REM2: variants seen among roughly 807,000 people sequenced by gnomAD.
REM2 encodes the protein GTP-binding protein REM 2.
A neutral mutation model predicts 24.4 loss-of-function variants in REM2; 24 were observed. The observed-to-expected ratio is 0.98, with a 90% confidence interval of 0.71 to 1.38. The LOEUF (loss-of-function observed/expected upper bound fraction) is 1.38. Among genes scored for constraint, REM2 ranks in the 40% most tolerant of loss-of-function variants. REM2 has a pLI of 0.00. For missense variants in REM2, 429 were observed against 467.8 expected, an observed-to-expected ratio of 0.92 and a Z score of 0.77; for synonymous variants, 187 against 198.0, an observed-to-expected ratio of 0.94 and a Z score of 0.47.
chr14:22,885,972 T>G, intron 3 of REM2, 52 bp from the exon 4 acceptor site: 1 of 1,477,626 alleles, frequency 6.8e-7, no homozygotes, highest in African/African-American at 1.4e-5. Flanking sequence ...GTGTAGGTGC[T>G]GGACAGGATC....
chr14:22,886,619 CGCCACCTG>C lies in REM2; in HGVS notation c.737_744del (p.His246ArgfsTer129). 1 of 1,449,906 alleles carries C rather than the reference CGCCACCTG, an allele frequency of 6.9e-7. No homozygotes were observed. The highest frequency in any genetic ancestry group is 9.1e-7 in the Non-Finnish European group (1 of 1,100,166). 89.8% of individuals were successfully genotyped at this position (1,449,906 alleles called of 1,614,324 possible). ...GAGCCGGTGCCTTCCTGCAGAGGGC[CGCCACCTG>C]GCCGGGACGCTGAGCTGCAAGCACA... is the stretch of plus-strand genomic sequence containing the variant. On this transcript the variant is annotated frameshift_variant, in exon 5 of 5. Coordinates refer to ENST00000267396, the MANE Select transcript of REM2 (RefSeq NM_173527.3). LOFTEE classifies it high-confidence loss of function. This position sits in a 1 kb window ranked among gnomAD's most constrained non-coding sequence, Gnocchi z 5.9.
At chr14:22,885,220 G>A (rs1261408039) in intron 2 of REM2, 46 bp from the exon 3 acceptor site, 13 of 1,559,408 alleles carry the variant, frequency 8.3e-6, no homozygotes, top group Non-Finnish European at 1.1e-5. Context: ...ACAAATGTTG[G>A]GAAACCTCCT....
In REM2 at chr14:22,884,763, C is replaced by T. The variant is rs200631469; in HGVS notation, c.193C>T (p.Arg65Ter). Residue 65 changes from arginine (R) to a stop codon, truncating the protein, a stop_gained, in exon 2 of 5, where the codon CGA becomes TGA. Transcript: ENST00000267396. LOFTEE classifies it high-confidence loss of function. ...ACCCTCTGCCCCTGGGGCCCCCAGA[C>T]GAAGAGGCAGTATGCCTGTCCCCTA... ...GLPSAPGAPR[R>*]RGSMPVPYKH... The T allele has an allele frequency of 2.8e-5, 45 of 1,613,982 alleles. No individual in the cohort carries two copies. The African/African-American group carries it at 3.6e-4, about 13-fold the overall frequency.
Position 22,883,350 on chromosome 14 carries a change from T to C in REM2, c.63T>C (p.Ser21=). The C allele has an allele frequency of 6.4e-7, 1 of 1,559,034 alleles. No homozygotes were observed. Among genetic ancestry groups the C allele is most frequent in the East Asian group, 2.4e-5 (1 of 41,362 alleles). Residue 21 remains serine (S), a synonymous_variant, in exon 1 of 5, where the codon TCT becomes TCC. Transcript: ENST00000267396. ...MDTETTALCP[S]GSRRASPPGT... ...CAGAAACCACAGCACTCTGCCCCTC[T>C]GGCAGCCGCCGGGCCTCCCCTCCAG...
chr14:22,886,452 G>A lies in REM2; in HGVS notation c.728-162G>A. On this transcript the variant is annotated intron_variant, in intron 4 of 4. Coordinates refer to ENST00000267396, the MANE Select transcript of REM2 (RefSeq NM_173527.3). This position sits in a 1 kb window ranked among gnomAD's most constrained non-coding sequence, Gnocchi z 5.9. ...CTAGGCCTCCTTCTCCCTCTCCTTC[G>A]CACCTCCACAGACCCACCATATGAG... The A allele has an allele frequency of 1.3e-6, 1 of 745,554 alleles. No individual in the cohort carries two copies. The highest frequency in any genetic ancestry group is 2.1e-6 in the Non-Finnish European group (1 of 465,926). 46.2% of individuals were successfully genotyped at this position (745,554 alleles called of 1,614,324 possible). A position where few individuals can be genotyped will look rare whatever the true frequency, so the allele number is the denominator to read the frequency against.
chr14:22,884,972 TG>T lies in REM2; in HGVS notation c.404del (p.Gly135ValfsTer29). The part of the protein sequence containing the change: ...VGKSTLAGTF[G>X]GLQGDSAHEP... Reference sequence around the variant, plus strand: ...GCAAGAGCACCCTAGCAGGCACTTTTGGTGGTCTCCAGGGAGACAGTGCTCA... The same window carrying T: ...GCAAGAGCACCCTAGCAGGCACTTTTGTGGTCTCCAGGGAGACAGTGCTCA... On this transcript the variant is annotated frameshift_variant, in exon 2 of 5. Coordinates refer to ENST00000267396, the MANE Select transcript of REM2 (RefSeq NM_173527.3). LOFTEE classifies it high-confidence loss of function. 1.3e-6 allele frequency: 2 copies of T among 1,568,138 alleles called. No homozygotes were observed. Among genetic ancestry groups the T allele is most frequent in the Non-Finnish European group, 1.7e-6 (2 of 1,154,184 alleles).
Position 22,886,102 on chromosome 14 carries a change from C to A in REM2, c.598C>A (p.Arg200=). ...AFLIVFSVTD[R]RSFSKVPETL... is the part of the protein sequence containing the mutation. The stretch of plus-strand genomic sequence containing the variant: ...TCTCATCGTCTTCTCAGTCACCGAC[C>A]GACGGAGTTTCTCCAAAGTTCCAGA... Residue 200 remains arginine, a synonymous_variant, in exon 4 of 5, where the codon CGA becomes AGA. Coordinates refer to ENST00000267396, the MANE Select transcript of REM2 (RefSeq NM_173527.3). The surrounding 1 kb of genome is among the most constrained non-coding windows in gnomAD (Gnocchi z 5.9). 1.2e-6 allele frequency: 2 copies of A among 1,613,966 alleles called. No homozygotes were observed. The highest frequency in any genetic ancestry group is 1.7e-6 in the Non-Finnish European group (2 of 1,179,878).
Position 22,884,894 on chromosome 14 carries a change from T to C in REM2, c.324T>C (p.Pro108=). Residue 108 remains proline (P), a synonymous_variant, in exon 2 of 5, where the codon CCT becomes CCC. Coordinates refer to ENST00000267396, the MANE Select transcript of REM2 (RefSeq NM_173527.3). ...CCTTGGGCTCAGGGGAGGCAGCCCC[T>C]GCTCAAAAGGATGGCATCTTCAAGG... ...SDSLGSGEAA[P]AQKDGIFKVM... 6.2e-7 allele frequency: 1 copy of C among 1,613,126 alleles called. No individual in the cohort carries two copies. Among genetic ancestry groups the C allele is most frequent in the Non-Finnish European group, 8.5e-7 (1 of 1,179,258 alleles).
chr14:22,886,536 C>G lies in REM2; in HGVS notation c.728-78C>G, dbSNP rs1362084533. On this transcript the variant is annotated intron_variant, in intron 4 of 4. Coordinates refer to ENST00000267396, the MANE Select transcript of REM2 (RefSeq NM_173527.3). The surrounding 1 kb of genome is among the most constrained non-coding windows in gnomAD (Gnocchi z 5.9). The stretch of plus-strand genomic sequence containing the variant: ...AGTACCAATCCCTTGCCACCGCACG[C>G]CCAGGCCCTCCCTAGACCCACCCTC... 7 of 1,325,426 alleles carry G rather than the reference C, an allele frequency of 5.3e-6. No homozygotes were observed. The highest frequency in any genetic ancestry group is 3.0e-5 in the African/African-American group (2 of 67,388). The allele number at this position is 1,325,426 out of a possible 1,614,324, so 82.1% of individuals were successfully genotyped here.
chr14:22,886,958 GCTCGCCCCCC>G lies in REM2; in HGVS notation c.*58_*67del. Reference sequence around the variant, plus strand: ...GGTCGCCATGGTCACCGCGCCCTCCGCTCGCCCCCCCTCGCCCCGCCCCGCCCCCGTCCGG... The same window carrying G: ...GGTCGCCATGGTCACCGCGCCCTCCGCTCGCCCCGCCCCGCCCCCGTCCGG... On this transcript the variant is annotated 3_prime_UTR_variant, in exon 5 of 5. Transcript: ENST00000267396. This position sits in a 1 kb window ranked among gnomAD's most constrained non-coding sequence, Gnocchi z 5.9. 11 of 1,333,258 alleles carry G rather than the reference GCTCGCCCCCC, an allele frequency of 8.3e-6. No individual in the cohort carries two copies. Among genetic ancestry groups the G allele is most frequent in the African/African-American group, 1.6e-5 (1 of 64,516 alleles). 82.6% of individuals were successfully genotyped at this position (1,333,258 alleles called of 1,614,324 possible). A position where few individuals can be genotyped will look rare whatever the true frequency, so the allele number is the denominator to read the frequency against.
At chr14:22,883,533 C>G (rs1301477887) in intron 1 of REM2, 143 bp downstream of exon 1, 1 of 742,016 alleles carries the variant, frequency 1.3e-6, no homozygotes, top group East Asian at 2.7e-5. Flanking sequence ...GGAGAAGACC[C>G]CTGCTCACAC....
intron 3 of REM2, 113 bp from the exon 4 acceptor site, chr14:22,885,911 C>G (rs887920510): frequency 5.0e-6 from 4 of 794,316 alleles, no homozygotes; most frequent in Non-Finnish European, 8.6e-6. Flanking sequence ...GCTCTGCTGT[C>G]CTAAGCAGGT....
chr14:22,886,302 C>T lies in REM2; in HGVS notation c.727+71C>T. On this transcript the variant is annotated intron_variant, in intron 4 of 4. Coordinates refer to ENST00000267396, the MANE Select transcript of REM2 (RefSeq NM_173527.3). This position sits in a 1 kb window ranked among gnomAD's most constrained non-coding sequence, Gnocchi z 5.9. Reference sequence around the variant, plus strand: ...CTCTCCCTTCCAAGTCACCTCTTCTCCCTAAGGCCTTTTTACCATCGCGGA... The same window carrying T: ...CTCTCCCTTCCAAGTCACCTCTTCTTCCTAAGGCCTTTTTACCATCGCGGA... 7.2e-7 allele frequency: 1 copy of T among 1,391,628 alleles called. No individual in the cohort carries two copies. The highest frequency in any genetic ancestry group is 1.0e-6 in the Non-Finnish European group (1 of 1,000,822). The allele number at this position is 1,391,628 out of a possible 1,614,324, so 86.2% of individuals were successfully genotyped here.
At chr14:22,884,517 G>C in intron 1 of REM2, 157 bp from the exon 2 acceptor site, 3 of 985,450 alleles carry the variant, frequency 3.0e-6, no homozygotes, top group Non-Finnish European at 3.6e-6. Flanking sequence ...TAGTGTAAGA[G>C]GTCAGGCCAG....
rs1219181226 is a variant in REM2, at chr14:22,887,000, T to G, written c.*91T>G. On this transcript the variant is annotated 3_prime_UTR_variant, in exon 5 of 5. Transcript: ENST00000267396. This position sits in a 1 kb window ranked among gnomAD's most constrained non-coding sequence, Gnocchi z 5.9. ...CCGCCCCGCCCCCGTCCGGCTTCCT[T>G]GGTGGAGGCCGTCTAGGAAACCAAA... The G allele has an allele frequency of 2.0e-5, 24 of 1,181,140 alleles. No individual in the cohort carries two copies. Among genetic ancestry groups the G allele is most frequent in the Non-Finnish European group, 2.5e-5 (22 of 888,128 alleles). 73.2% of individuals were successfully genotyped at this position (1,181,140 alleles called of 1,614,324 possible). A position where few individuals can be genotyped will look rare whatever the true frequency, so the allele number is the denominator to read the frequency against.
chr14:22,885,201 C>T, intron 2 of REM2, 65 bp from the exon 3 acceptor site: 1 of 1,471,492 alleles, frequency 6.8e-7, no homozygotes, highest in Non-Finnish European at 9.5e-7. Flanking sequence ...TCCCTGGTTA[C>T]CAGGTCTCAC....
chr14:22,886,036 G>A lies in REM2; in HGVS notation c.532G>A (p.Gly178Arg), dbSNP rs956500859. The change falls in exon 4 of 5, where the codon GGG (glycine) becomes AGG (arginine). Residue 178 changes from glycine to arginine, a missense_variant. Gly to Arg is a moderately radical substitution (Grantham distance 125). Coordinates refer to ENST00000267396, the MANE Select transcript of REM2 (RefSeq NM_173527.3). The surrounding 1 kb of genome is among the most constrained non-coding windows in gnomAD (Gnocchi z 5.9). ...TGCCTGTCTGCAGGGGGATGCAGGA[G>A]GGTGGCTGCGGGACCACTGCCTTCA... is the stretch of plus-strand genomic sequence containing the variant. ...YDIWEQGDAG[G>R]WLRDHCLQTG... The A allele has an allele frequency of 5.6e-6, 9 of 1,613,734 alleles. No homozygotes were observed. The highest frequency in any genetic ancestry group is 1.6e-4 in the Middle Eastern group (1 of 6,080).
At position 22,884,687 on chromosome 14, in the gene REM2, G is replaced by A. The variant is rs45628834; in HGVS notation, c.117G>A (p.Thr39=). The A allele has an allele frequency of 5.2e-3, 8,284 of 1,599,406 alleles. 36 individuals are homozygous for A. The highest frequency in any genetic ancestry group is 5.8e-3 in the Non-Finnish European group (6,747 of 1,172,562). The change falls in exon 2 of 5, where the codon ACG becomes ACA. Residue 39 remains threonine, a synonymous_variant. Transcript: ENST00000267396. ...PGTPTPEADA[T]LLKKSEKLLA... ...ATTTTATTTTAGAAGCAGATGCCAC[G>A]CTACTAAAGAAGTCAGAGAAACTGT...
chr14:22,884,803 G>C lies in REM2; in HGVS notation c.233G>C (p.Arg78Pro). 1 of 1,614,026 alleles carries C rather than the reference G, an allele frequency of 6.2e-7. No homozygotes were observed. Among genetic ancestry groups the C allele is most frequent in the Non-Finnish European group, 8.5e-7 (1 of 1,179,890 alleles). ...SMPVPYKHQL[R>P]RAQAVDELDW... ...CCTGTCCCCTACAAGCACCAGCTCC[G>C]GCGGGCCCAGGCTGTAGATGAACTT... Residue 78 changes from arginine to proline, a missense_variant, in exon 2 of 5, where the codon CGG (arginine) becomes CCG (proline). Physicochemically the swap from Arg to Pro is moderately radical, Grantham distance 103. Coordinates refer to ENST00000267396, the MANE Select transcript of REM2 (RefSeq NM_173527.3).
Sources: gnomAD v4.1 joint callset for allele counts on GRCh38, gnomAD v4.1.1 for gene constraint, Gnocchi (gnomAD v3.1) non-coding constraint, MANE v1.5 for transcripts, NCBI Gene and HGNC (gene_info 2026-07-23, HGNC 2026-07-21) for gene names.